Variants in HMGN5 observed in about 807,000 individuals in gnomAD.
HMGN5 encodes the protein high mobility group nucleosome-binding domain-containing protein 5.
A neutral mutation model predicts 9.5 loss-of-function variants in HMGN5; 4 were observed. The observed-to-expected ratio is 0.42, with a 90% confidence interval of 0.21 to 0.96. The LOEUF (loss-of-function observed/expected upper bound fraction) is 0.96, where lower values mean the gene tolerates loss of function less well. Among genes scored for constraint, HMGN5 ranks in the 40% least tolerant of loss-of-function variants. The pLI is 0.30. For synonymous variants in HMGN5, 55 were observed against 57.1 expected, an observed-to-expected ratio of 0.96 and a Z score of 0.16; for missense variants, 192 against 187.5, an observed-to-expected ratio of 1.02 and a Z score of -0.14.
At chrX:81,173,895 A>G (rs1317538736) in intron 1 of HMGN5, among the ~76,000 whole-genome samples, 1 of 111,056 alleles carries the variant, frequency 9.0e-6, no homozygotes, top group Non-Finnish European at 1.9e-5. Context: ...TGTCTATTTT[A>G]TTGCATTTAT....
intron 1 of HMGN5, among the ~76,000 whole-genome samples, chrX:81,196,806 C>T (rs1415227787): frequency 9.0e-6 from 1 of 111,046 alleles, no homozygotes; most frequent in Non-Finnish European, 1.9e-5. Context: ...TCCCAAAGTG[C>T]TGGGATTACA....
At chrX:81,172,257 T>C (rs907747939) in intron 1 of HMGN5, among the ~76,000 whole-genome samples, 16 of 111,091 alleles carry the variant, frequency 1.4e-4, no homozygotes, top group South Asian at 3.7e-4. Flanking sequence ...GTTTGCATGC[T>C]GATGAGAAAA....
At chrX:81,146,423 G>C (rs1390869426) in intron 1 of HMGN5, among the ~76,000 whole-genome samples, 1 of 111,615 alleles carries the variant, frequency 9.0e-6, no homozygotes, top group Non-Finnish European at 1.9e-5. Context: ...AATGAGGGCA[G>C]AAATAAAGAT....
At chrX:81,139,845 A>G (rs1010867196) in intron 1 of HMGN5, among the ~76,000 whole-genome samples, 1 of 112,204 alleles carries the variant, frequency 8.9e-6, no homozygotes, top group South Asian at 3.7e-4. Context: ...TCAAGACTTG[A>G]TTTCCTGCAA....
At chrX:81,153,585 A>ACTCTCTC (rs2075373493) in intron 1 of HMGN5, among the ~76,000 whole-genome samples, 1 of 3,321 alleles carries the variant, frequency 3.0e-4, no homozygotes, top group Non-Finnish European at 5.4e-4. Flanking sequence ...CTCTCTCTCT[A>ACTCTCTC]TATATATATA....
At chrX:81,139,897 A>C (rs1400790054) in intron 1 of HMGN5, among the ~76,000 whole-genome samples, 1 of 112,009 alleles carries the variant, frequency 8.9e-6, no homozygotes, top group East Asian at 2.8e-4. Context: ...TCTGCAAGTA[A>C]ACTTGAAAGA....
intron 1 of HMGN5, among the ~76,000 whole-genome samples, chrX:81,191,403 G>C (rs1447877760): frequency 8.9e-6 from 1 of 111,774 alleles, no homozygotes; most frequent in East Asian, 2.8e-4. Context: ...GTTTGCTTTA[G>C]CTTTTTATAT....
At chrX:81,195,565 T>A (rs2075505764) in intron 1 of HMGN5, among the ~76,000 whole-genome samples, 1 of 111,597 alleles carries the variant, frequency 9.0e-6, no homozygotes, top group Non-Finnish European at 1.9e-5. Context: ...TAGAGTGACT[T>A]CTGAGGTTTT....
intron 1 of HMGN5, among the ~76,000 whole-genome samples, chrX:81,129,252 C>A (rs2075292480): frequency 1.8e-5 from 2 of 111,610 alleles, no homozygotes; most frequent in African/African-American, 3.3e-5. Context: ...AGAGCAGCAC[C>A]AATTTATACT....
At chrX:81,170,872 T>C (rs1159494769) in intron 1 of HMGN5, among the ~76,000 whole-genome samples, 1 of 110,874 alleles carries the variant, frequency 9.0e-6, no homozygotes, top group African/African-American at 3.3e-5. Context: ...GGTACTATTA[T>C]TGCCATTTTG....
At chrX:81,177,666 G>T (rs767285701) in intron 1 of HMGN5, among the ~76,000 whole-genome samples, 13 of 109,933 alleles carry the variant, frequency 1.2e-4, no homozygotes, top group Non-Finnish European at 2.3e-4. Flanking sequence ...GAGAAAGAAG[G>T]TTAACAAGGA....
At chrX:81,130,436 C>A (rs965162725) in intron 1 of HMGN5, among the ~76,000 whole-genome samples, 7 of 111,526 alleles carry the variant, frequency 6.3e-5, no homozygotes, top group Admixed American at 4.8e-4. Context: ...AGAATTCAAA[C>A]TCAGAACAGT....
At chrX:81,176,151 G>A (rs771418266) in intron 1 of HMGN5, among the ~76,000 whole-genome samples, 2 of 111,681 alleles carry the variant, frequency 1.8e-5, no homozygotes, top group African/African-American at 6.5e-5. Flanking sequence ...GGTCTGGAGT[G>A]GACCTCCAGC....
rs189458259 is a variant in HMGN5, at chrX:81,140,527, T to C, written c.-123-18855A>G. On this transcript the variant is annotated intron_variant, in intron 1 of 6. Transcript: ENST00000358130. ...GTGAGGCGAGATCGCGCCACTGCACTCCAGCCTTGGCGACAGAGCGAGACT... is the reference window on the plus strand; with the variant it reads ...GTGAGGCGAGATCGCGCCACTGCACCCCAGCCTTGGCGACAGAGCGAGACT... Among the ~76,000 whole-genome samples, 549 of 85,689 alleles carry C rather than the reference T, an allele frequency of 6.4e-3. 21 individuals carry two copies. The Admixed American group carries it at 0.08, about 13-fold the overall frequency. 74.4% of individuals were successfully genotyped at this position (85,689 alleles called of 115,157 possible). A position where few individuals can be genotyped will look rare whatever the true frequency, so the allele number is the denominator to read the frequency against.
intron 1 of HMGN5, among the ~76,000 whole-genome samples, chrX:81,155,278 TATATA>T (rs914724504): frequency 9.6e-6 from 1 of 104,684 alleles, no homozygotes; most frequent in African/African-American, 3.4e-5. Flanking sequence ...TTTATATAAT[TATATA>T]ATATAATTAT....
chrX:81,143,937 C>T (rs758551960), intron 1 of HMGN5, among the ~76,000 whole-genome samples: 4 of 112,102 alleles, frequency 3.6e-5, no homozygotes, highest in East Asian at 5.7e-4. Context: ...TGTGGCCAGG[C>T]TGCCTCTCTA....
chrX:81,122,473 C>T (rs1047804690), intron 1 of HMGN5, among the ~76,000 whole-genome samples: 2 of 111,795 alleles, frequency 1.8e-5, no homozygotes, highest in East Asian at 5.6e-4. Context: ...AGCATAAAGC[C>T]ATTGAGGTAC....
chrX:81,182,791 G>C (rs771330301), intron 1 of HMGN5, among the ~76,000 whole-genome samples: 1 of 112,093 alleles, frequency 8.9e-6, no homozygotes, highest in South Asian at 3.7e-4. Flanking sequence ...GTGTGAATTG[G>C]CTAATATGAC....
At chrX:81,115,772 C>A (rs1165362693) in intron 6 of HMGN5, among the ~76,000 whole-genome samples, 1 of 111,516 alleles carries the variant, frequency 9.0e-6, no homozygotes, top group Non-Finnish European at 1.9e-5. Flanking sequence ...TATTACAATA[C>A]CTAAAAATGT....
Sources: allele counts gnomAD v4.1 joint callset (sites outside exome capture counted in the v4.1 genomes callset), GRCh38; gene constraint gnomAD v4.1.1; transcripts MANE v1.5; gene names NCBI Gene and HGNC (gene_info 2026-07-23, HGNC 2026-07-21).